The following NCAM1 variants were observed in gnomAD, a reference collection of about 807,000 sequenced individuals.
NCAM1 encodes antigen recognized by monoclonal antibody 5.1H11.
In NCAM1, 14 loss-of-function variants were observed where a neutral mutation model predicts 109.8. The observed-to-expected ratio is 0.13, with a 90% confidence interval of 0.08 to 0.20. The LOEUF is 0.20. Among genes scored for constraint, NCAM1 ranks in the 10% least tolerant of loss-of-function variants. The probability of loss-of-function intolerance (pLI) is 1.00; values close to 1 mark genes in which losing one functional copy is unlikely to be tolerated. For synonymous variants in NCAM1, 418 were observed against 442.9 expected (o/e 0.94, Z 0.70); for missense variants, 774 against 1,109.9 (o/e 0.70, Z 4.30).
At chr11:113,210,817 CACACAT>C (rs1260213162) in intron 7 of NCAM1, among the ~76,000 whole-genome samples, 11 of 147,896 alleles carry the variant, frequency 7.4e-5, no homozygotes, top group African/African-American at 2.3e-4. Flanking sequence ...CACACACACA[CACACAT>C]ATTTCACAAT....
At position 113,147,022 on chromosome 11, in the gene NCAM1, T is replaced by C. The variant is rs979777575; in HGVS notation, c.53-55357T>C. ...ACATGAGATCCATTTTCCTGAAGAA[T>C]GATCTCAATTGATAAGTTTCCTAGT... On this transcript the variant is annotated intron_variant, in intron 1 of 19. Coordinates refer to ENST00000316851, the MANE Select transcript of NCAM1 (RefSeq NM_181351.5). Among the ~76,000 whole-genome samples the C allele has an allele frequency of 4.0e-5, 6 of 151,610 alleles. No homozygotes were observed. In the East Asian group the frequency reaches 1.2e-3, roughly 30 times the overall value.
At chr11:113,207,238 C>T in intron 5 of NCAM1, 23 bp from the exon 6 acceptor site, 1 of 1,600,782 alleles carries the variant, frequency 6.2e-7, no homozygotes, top group African/African-American at 1.3e-5. Context: ...ACAACCACCC[C>T]ATGACACCCT....
At chr11:113,217,628 C>T (rs868966636) in intron 8 of NCAM1, among the ~76,000 whole-genome samples, 2 of 152,178 alleles carry the variant, frequency 1.3e-5, no homozygotes, top group Non-Finnish European at 2.9e-5. Flanking sequence ...TCTGTTGCCT[C>T]ATATTGAGCT....
intron 1 of NCAM1, among the ~76,000 whole-genome samples, chr11:113,015,273 G>A (rs571625851): frequency 8.2e-4 from 125 of 152,338 alleles, no homozygotes; most frequent in Non-Finnish European, 8.7e-4. Context: ...CCAGGTGGCA[G>A]TAGCTGGCAA....
intron 1 of NCAM1, among the ~76,000 whole-genome samples, chr11:113,028,172 C>T (rs550401236): frequency 3.3e-5 from 5 of 151,954 alleles, no homozygotes; most frequent in Non-Finnish European, 7.4e-5. Flanking sequence ...AGATAGCTAA[C>T]GAAGAAGATC....
intron 1 of NCAM1, among the ~76,000 whole-genome samples, chr11:112,969,253 G>A (rs1555066327): frequency 6.6e-6 from 1 of 151,780 alleles, no homozygotes; most frequent in Non-Finnish European, 1.5e-5. Context: ...CCAGAGATAA[G>A]GAGAAAAAAA....
At chr11:113,169,080 G>C (rs927332414) in intron 1 of NCAM1, among the ~76,000 whole-genome samples, 7 of 146,220 alleles carry the variant, frequency 4.8e-5, no homozygotes, top group Non-Finnish European at 9.1e-5. Flanking sequence ...GTCTGTGTGT[G>C]TGTGTCTTTG....
intron 15 of NCAM1, among the ~76,000 whole-genome samples, chr11:113,249,275 C>T (rs970080087): frequency 1.3e-5 from 2 of 152,220 alleles, no homozygotes; most frequent in African/African-American, 4.8e-5. Flanking sequence ...TTGCCACGAT[C>T]TCTGGCAGGT....
chr11:112,971,246 G>C (rs1319148401), intron 1 of NCAM1, among the ~76,000 whole-genome samples: 8 of 151,396 alleles, frequency 5.3e-5, no homozygotes, highest in Non-Finnish European at 8.9e-5. Context: ...CTCTCTCTCT[G>C]TCTCTGTCTC....
intron 1 of NCAM1, among the ~76,000 whole-genome samples, chr11:113,028,364 A>C (rs2135317812): frequency 6.6e-6 from 1 of 152,220 alleles, no homozygotes; most frequent in South Asian, 2.1e-4. Flanking sequence ...AAAAGAATAG[A>C]ATGGGAAGCC....
chr11:112,974,150 GA>G (rs2134579804), intron 1 of NCAM1, among the ~76,000 whole-genome samples: 1 of 152,150 alleles, frequency 6.6e-6, no homozygotes, highest in Non-Finnish European at 1.5e-5. Context: ...CTGATTCTTT[GA>G]AACATGAAGA....
chr11:113,142,249 G>A (rs1941856900), intron 1 of NCAM1, among the ~76,000 whole-genome samples: 1 of 152,170 alleles, frequency 6.6e-6, no homozygotes, highest in Non-Finnish European at 1.5e-5. Context: ...AGACACGGAA[G>A]GGTAAATTTG....
chr11:113,049,554 C>T (rs370446133), intron 1 of NCAM1, among the ~76,000 whole-genome samples: 18 of 152,104 alleles, frequency 1.2e-4, no homozygotes, highest in East Asian at 7.7e-4. Flanking sequence ...GATTCTTTTC[C>T]CAGATACTCT....
In NCAM1 at chr11:113,256,118, C is replaced by T. The variant is rs1945828459; in HGVS notation, c.1953+117C>T. ...GGTGGGATGGGGTCTTATTCTGTGT[C>T]TGGCAGGTGGCCCATGGGCCCTGGC... is the stretch of plus-strand genomic sequence containing the variant. On this transcript the variant is annotated intron_variant, in intron 16 of 19. Transcript: ENST00000316851. The T allele has an allele frequency of 5.9e-6, 8 of 1,355,626 alleles. No homozygotes were observed. In the South Asian group the frequency reaches 1.2e-4, roughly 21 times the overall value. The allele number at this position is 1,355,626 out of a possible 1,614,324, so 84.0% of individuals were successfully genotyped here. A position where few individuals can be genotyped will look rare whatever the true frequency, so the allele number is the denominator to read the frequency against.
chr11:113,004,386 G>C (rs782785421), intron 1 of NCAM1, among the ~76,000 whole-genome samples: 1 of 152,020 alleles, frequency 6.6e-6, no homozygotes, highest in Non-Finnish European at 1.5e-5. Flanking sequence ...CCAGCTACTC[G>C]GGAGGCTGAG....
intron 1 of NCAM1, among the ~76,000 whole-genome samples, chr11:113,056,022 TATAAA>T: frequency 8.7e-6 from 1 of 114,570 alleles, no homozygotes; most frequent in Non-Finnish European, 1.8e-5. Flanking sequence ...TATATATATA[TATAAA>T]ATATATATAT....
intron 1 of NCAM1, among the ~76,000 whole-genome samples, chr11:113,029,232 C>A (rs1952645841): frequency 6.6e-6 from 1 of 151,912 alleles, no homozygotes; most frequent in African/African-American, 2.4e-5. Flanking sequence ...TGTGCTTCAG[C>A]AAAATAAGGG....
intron 1 of NCAM1, among the ~76,000 whole-genome samples, chr11:113,065,788 AG>A (rs1555084115): frequency 6.6e-6 from 1 of 152,226 alleles, no homozygotes; most frequent in Non-Finnish European, 1.5e-5. Flanking sequence ...GTCCTGGAAC[AG>A]AAGAAGGGTG....
intron 1 of NCAM1, among the ~76,000 whole-genome samples, chr11:113,054,589 C>A (rs191704195): frequency 2.0e-5 from 3 of 152,134 alleles, no homozygotes; most frequent in Non-Finnish European, 2.9e-5. Context: ...CCTTATTCCC[C>A]GATACAGAAC....
Sources: allele counts gnomAD v4.1 joint callset (sites outside exome capture counted in the v4.1 genomes callset), GRCh38; gene constraint gnomAD v4.1.1; transcripts MANE v1.5; gene names NCBI Gene and HGNC (gene_info 2026-07-23, HGNC 2026-07-21).